The following WDR25 variants were observed in gnomAD, a reference collection of about 807,000 sequenced individuals.
The protein encoded by WDR25 is WD repeat domain 25.
WDR25 carries 35 observed loss-of-function variants against 47.7 expected under a neutral mutation model. The ratio of observed to expected loss-of-function variants is 0.73; its 90% CI spans 0.56 to 0.97. The LOEUF is 0.97. Among genes scored for constraint, WDR25 ranks in the 50% least tolerant of loss-of-function variants. The pLI is 0.00. For missense variants in WDR25, 634 were observed against 704.7 expected, an observed-to-expected ratio of 0.90 and a Z score of 1.14; for synonymous variants, 248 against 278.9, an observed-to-expected ratio of 0.89 and a Z score of 1.10.
chr14:100,418,941 C>T (rs916474325), intron 2 of WDR25, among the ~76,000 whole-genome samples: 31 of 151,716 alleles, frequency 2.0e-4, no homozygotes, highest in South Asian at 2.1e-4. Flanking sequence ...ATTTCTAGGC[C>T]GGGCGTGGTG....
At chr14:100,469,846 G>T (rs999326632) in intron 3 of WDR25, among the ~76,000 whole-genome samples, 2 of 152,200 alleles carry the variant, frequency 1.3e-5, no homozygotes, top group Admixed American at 1.3e-4. Flanking sequence ...ACAGAGCCAG[G>T]ATGCACGCAG....
chr14:100,481,127 A>AGAG, intron 3 of WDR25: 1 of 403,430 alleles, frequency 2.5e-6, no homozygotes, highest in Non-Finnish European at 4.8e-6. Context: ...AAAAAAAAAA[A>AGAG]AAAAAGGGAA....
intron 2 of WDR25, among the ~76,000 whole-genome samples, chr14:100,416,208 A>G (rs898272562): frequency 6.6e-6 from 1 of 152,180 alleles, no homozygotes; most frequent in Non-Finnish European, 1.5e-5. Flanking sequence ...CTCCCTGTGA[A>G]GGGTATTCAT....
chr14:100,380,781 A>C, intron 1 of WDR25, 129 bp from the exon 2 acceptor site: 2 of 883,830 alleles, frequency 2.3e-6, no homozygotes, highest in Non-Finnish European at 3.4e-6. Flanking sequence ...GGCGTGAGCC[A>C]CCACGCCTGG....
intron 4 of WDR25, among the ~76,000 whole-genome samples, chr14:100,491,943 G>C (rs1006380838): frequency 2.6e-5 from 4 of 152,228 alleles, no homozygotes; most frequent in African/African-American, 9.6e-5. Flanking sequence ...AGGTTCAGCT[G>C]TCTGTGCAGG....
chr14:100,431,615 C>G (rs1255328779), intron 2 of WDR25, among the ~76,000 whole-genome samples: 5 of 151,250 alleles, frequency 3.3e-5, no homozygotes, highest in African/African-American at 1.2e-4. Flanking sequence ...GGGACGATCT[C>G]TGCTCACTGC....
intron 5 of WDR25, among the ~76,000 whole-genome samples, chr14:100,528,555 C>T (rs1253778679): frequency 1.3e-5 from 2 of 151,702 alleles, no homozygotes; most frequent in Non-Finnish European, 2.9e-5. Flanking sequence ...CAGGCGTGAG[C>T]CACCACACCC....
In WDR25 at chr14:100,529,205, CA is replaced by C. The variant is rs1309918492; in HGVS notation, c.1412del (p.Lys471ArgfsTer19). Reference protein sequence around the residue: ...MSRRRRYEGHKVEGYSVGCEC... With the variant: ...MSRRRRYEGHXVEGYSVGCEC... ...GCAGACGGCGGCGCTATGAAGGGCA[CA>C]AGGTACTTCTGTCCTTGTCCCCCAG... On this transcript the variant is annotated frameshift_variant and splice_region_variant, in exon 6 of 7. Transcript: ENST00000402312. LOFTEE classifies it high-confidence loss of function. The surrounding 1 kb of genome is among the most constrained non-coding windows in gnomAD (Gnocchi z 5.1). The C allele has an allele frequency of 6.2e-7, 1 of 1,613,468 alleles. No homozygotes were observed.
chr14:100,413,809 G>C (rs1444494184), intron 2 of WDR25, among the ~76,000 whole-genome samples: 5 of 152,220 alleles, frequency 3.3e-5, no homozygotes, highest in Admixed American at 2.0e-4. Context: ...GAATCATGCA[G>C]GGCGTAGCCT....
Position 100,488,682 on chromosome 14 carries a change from A to G in WDR25, c.1101+4558A>G, listed in dbSNP as rs1405381616. ...CTGCATTTCTAACAAGCTCCCAGGAAATGAAGGGGAGGATAGTATATGGAC... is the reference window on the plus strand; with the variant it reads ...CTGCATTTCTAACAAGCTCCCAGGAGATGAAGGGGAGGATAGTATATGGAC... On this transcript the variant is annotated intron_variant, in intron 4 of 6. Coordinates refer to ENST00000402312, the MANE Select transcript of WDR25 (RefSeq NM_001161476.3). The surrounding 1 kb of genome is among the most constrained non-coding windows in gnomAD (Gnocchi z 4.2). 6.6e-6 allele frequency among the ~76,000 whole-genome samples: 1 copy of G among 152,162 alleles called. No individual in the cohort carries two copies. The highest frequency in any genetic ancestry group is 1.5e-5 in the Non-Finnish European group (1 of 68,022).
At chr14:100,475,628 G>A (rs929444537) in intron 3 of WDR25, among the ~76,000 whole-genome samples, 1 of 152,148 alleles carries the variant, frequency 6.6e-6, no homozygotes, top group Non-Finnish European at 1.5e-5. Context: ...GGGTTTGGGG[G>A]TAGGGGTGGA....
At position 100,468,925 on chromosome 14, in the gene WDR25, C is replaced by G. The variant is rs1899735380; in HGVS notation, c.970+757C>G. Among the ~76,000 whole-genome samples the G allele has an allele frequency of 6.6e-6, 1 of 151,926 alleles. No individual in the cohort carries two copies. Among genetic ancestry groups the G allele is most frequent in the East Asian group, 1.9e-4 (1 of 5,172 alleles). ...CCCTTTTCTTTCCTTTCCTTTCCCT[C>G]TATGTTCTCTTTCTTTTCTTTCTTT... On this transcript the variant is annotated intron_variant, in intron 3 of 6. Transcript: ENST00000402312. This position sits in a 1 kb window ranked among gnomAD's most constrained non-coding sequence, Gnocchi z 4.5.
At chr14:100,450,387 T>C (rs1206240228) in intron 2 of WDR25, among the ~76,000 whole-genome samples, 4 of 152,232 alleles carry the variant, frequency 2.6e-5, no homozygotes, top group African/African-American at 9.6e-5. Flanking sequence ...TGTCATCTCC[T>C]AGAGCCAGTT....
At chr14:100,505,382 G>C (rs139371655) in intron 4 of WDR25, among the ~76,000 whole-genome samples, 8 of 152,150 alleles carry the variant, frequency 5.3e-5, no homozygotes, top group African/African-American at 1.7e-4. Flanking sequence ...AGCCTTGGTG[G>C]AAAATCAATT....
intron 4 of WDR25, among the ~76,000 whole-genome samples, chr14:100,501,184 C>G (rs962846468): frequency 1.3e-5 from 2 of 151,922 alleles, no homozygotes; most frequent in African/African-American, 4.9e-5. Context: ...TGTCTGACCT[C>G]AGTGTCCTCA....
At chr14:100,511,525 C>T (rs1901311203) in intron 4 of WDR25, among the ~76,000 whole-genome samples, 1 of 151,290 alleles carries the variant, frequency 6.6e-6, no homozygotes. Context: ...CTATCTCTAT[C>T]CTCTCTCTCT....
At chr14:100,477,656 A>G (rs1299833365) in intron 3 of WDR25, among the ~76,000 whole-genome samples, 1 of 152,192 alleles carries the variant, frequency 6.6e-6, no homozygotes, top group Non-Finnish European at 1.5e-5. Flanking sequence ...TTCATGTTCA[A>G]GATATTTCAC....
At position 100,389,849 on chromosome 14, in the gene WDR25, G is replaced by GC. The variant is rs568265703; in HGVS notation, c.822+8110dup. Among the ~76,000 whole-genome samples, 97 of 152,234 alleles carry GC rather than the reference G, an allele frequency of 6.4e-4. 1 individual carries two copies. Among genetic ancestry groups the GC allele is most frequent in the African/African-American group, 2.1e-3 (88 of 41,536 alleles). On this transcript the variant is annotated intron_variant, in intron 2 of 6. Transcript: ENST00000402312. ...CAGGATTGGGGCACTGGGGAGCTCG[G>GC]CCCCCCCATAGAACGAGGGCCATAC... is the stretch of plus-strand genomic sequence containing the variant.
intron 2 of WDR25, among the ~76,000 whole-genome samples, chr14:100,431,419 C>T: frequency 6.6e-6 from 1 of 152,120 alleles, no homozygotes. Flanking sequence ...TTTATAAAAG[C>T]CTCCTTCTTT....
Sources: allele counts gnomAD v4.1 joint callset (sites outside exome capture counted in the v4.1 genomes callset), GRCh38; gene constraint gnomAD v4.1.1; non-coding constraint Gnocchi (gnomAD v3.1); transcripts MANE v1.5; gene names NCBI Gene and HGNC (gene_info 2026-07-23, HGNC 2026-07-21).